The following RNF144A variants were observed in gnomAD, a reference collection of about 807,000 sequenced individuals.
The protein encoded by RNF144A is E3 ubiquitin-protein ligase RNF144A.
In RNF144A, 11 loss-of-function variants were observed where a neutral mutation model predicts 38.7. The ratio of observed to expected loss-of-function variants is 0.28; its 90% CI spans 0.18 to 0.47. The LOEUF (loss-of-function observed/expected upper bound fraction) is 0.47. Ranked by LOEUF, RNF144A falls within the 20% of genes least tolerant of loss-of-function variation. The pLI is 0.99. For synonymous variants in RNF144A, 149 were observed against 143.9 expected (o/e 1.04, Z -0.25); for missense variants, 316 against 377.2 (o/e 0.84, Z 1.34).
At chr2:7,062,754 C>G (rs976340723) in intron 6 of RNF144A, 1 of 152,184 alleles carries the variant, frequency 6.6e-6, no homozygotes, top group African/African-American at 2.4e-5. Flanking sequence ...AGCAGAGTCT[C>G]TCCCCTGCCC....
At chr2:7,009,490 A>G (rs1329855251) in intron 3 of RNF144A, among the ~76,000 whole-genome samples, 2 of 150,596 alleles carry the variant, frequency 1.3e-5, no homozygotes, top group African/African-American at 2.4e-5. Context: ...AAGAACTCAT[A>G]TAGATGGGAG....
intron 1 of RNF144A, among the ~76,000 whole-genome samples, chr2:6,925,840 G>A (rs1664822835): frequency 6.6e-6 from 1 of 151,884 alleles, no homozygotes; most frequent in Admixed American, 6.6e-5. Context: ...ATATCCTTTG[G>A]GGGAGACATG....
intron 5 of RNF144A, among the ~76,000 whole-genome samples, chr2:7,020,123 C>G (rs938064771): frequency 6.6e-6 from 1 of 152,154 alleles, no homozygotes; most frequent in Non-Finnish European, 1.5e-5. Context: ...ACCCGACAGG[C>G]AGGTGGGCCA....
intron 3 of RNF144A, among the ~76,000 whole-genome samples, chr2:6,998,620 G>T (rs1242042552): frequency 6.6e-6 from 1 of 152,198 alleles, no homozygotes; most frequent in Non-Finnish European, 1.5e-5. Context: ...TCCAAGAAAT[G>T]TGCCTCATTA....
intron 2 of RNF144A, among the ~76,000 whole-genome samples, chr2:6,959,536 T>A (rs1168786584): frequency 1.3e-5 from 2 of 152,094 alleles, no homozygotes; most frequent in Admixed American, 1.3e-4. Context: ...GGCTGGGAAG[T>A]CCGGGATCAG....
intron 3 of RNF144A, among the ~76,000 whole-genome samples, chr2:7,010,823 T>C (rs549054132): frequency 6.6e-6 from 1 of 152,126 alleles, no homozygotes; most frequent in Non-Finnish European, 1.5e-5. Flanking sequence ...TCTACCCCTG[T>C]AGTGGCCCAT....
At chr2:6,956,131 A>C (rs1572262599) in intron 2 of RNF144A, among the ~76,000 whole-genome samples, 2 of 152,186 alleles carry the variant, frequency 1.3e-5, no homozygotes, top group East Asian at 3.9e-4. Context: ...TGGGGGTTCT[A>C]AAATAGCCCA....
intron 2 of RNF144A, among the ~76,000 whole-genome samples, chr2:6,952,375 CT>C (rs1666741319): frequency 7.5e-6 from 1 of 134,140 alleles, no homozygotes; most frequent in Admixed American, 8.0e-5. Flanking sequence ...CTGCTTTTGT[CT>C]GATTGAAGAG....
chr2:6,923,678 A>G (rs1348384518), intron 1 of RNF144A, among the ~76,000 whole-genome samples: 2 of 152,212 alleles, frequency 1.3e-5, no homozygotes, highest in Non-Finnish European at 2.9e-5. Flanking sequence ...CACGGAGCAG[A>G]ACTGGGACGG....
intron 8 of RNF144A, among the ~76,000 whole-genome samples, chr2:7,032,603 C>G (rs1189826618): frequency 6.6e-6 from 1 of 152,264 alleles, no homozygotes; most frequent in African/African-American, 2.4e-5. Flanking sequence ...CGATGCGTCA[C>G]TGCAATCCTC....
chr2:7,008,398 G>A (rs1036798993), intron 3 of RNF144A, among the ~76,000 whole-genome samples: 15 of 152,250 alleles, frequency 9.9e-5, no homozygotes, highest in Non-Finnish European at 2.2e-4. Flanking sequence ...CTTCCCTGAA[G>A]CTCTGCTGAC....
intron 2 of RNF144A, among the ~76,000 whole-genome samples, chr2:6,967,363 G>A (rs750338347): frequency 3.3e-5 from 5 of 152,202 alleles, no homozygotes; most frequent in African/African-American, 4.8e-5. Context: ...CTTCCCTTGG[G>A]GCGTGTGAGC....
intron 2 of RNF144A, among the ~76,000 whole-genome samples, chr2:6,945,728 T>TC (rs1666295915): frequency 6.6e-6 from 1 of 152,000 alleles, no homozygotes; most frequent in South Asian, 2.1e-4. Context: ...TTTTTTTTTT[T>TC]TGGGTAATGT....
intron 6 of RNF144A, among the ~76,000 whole-genome samples, chr2:7,064,415 C>T (rs1170423049): frequency 1.3e-5 from 2 of 152,104 alleles, no homozygotes; most frequent in African/African-American, 2.4e-5. Context: ...TAATAAGGAA[C>T]CAAGAATAAG....
chr2:7,047,895 G>A (rs1302470655), downstream of RNF144A, among the ~76,000 whole-genome samples: 1 of 152,196 alleles, frequency 6.6e-6, no homozygotes, highest in Non-Finnish European at 1.5e-5. Flanking sequence ...CCAAGGATAA[G>A]TGGCTGGTGA....
intron 6 of RNF144A, 83 bp from the exon 7 acceptor site, chr2:7,024,286 G>A (rs1044145540): frequency 3.2e-6 from 4 of 1,234,422 alleles, no homozygotes; most frequent in Non-Finnish European, 4.4e-6. Flanking sequence ...GTGAAGTGGA[G>A]CCGATGCTTC....
intron 1 of RNF144A, among the ~76,000 whole-genome samples, chr2:6,938,995 A>AG (rs1332005735): frequency 6.6e-6 from 1 of 151,924 alleles, no homozygotes; most frequent in African/African-American, 2.4e-5. Context: ...TGATGGACAT[A>AG]TGGGTCGTTT....
downstream of RNF144A, among the ~76,000 whole-genome samples, chr2:7,071,044 C>T (rs1341238364): frequency 5.3e-5 from 8 of 151,094 alleles, no homozygotes; most frequent in African/African-American, 7.3e-5. Flanking sequence ...AAGCGATTCT[C>T]CTGCCTCAGC....
intron 2 of RNF144A, among the ~76,000 whole-genome samples, chr2:6,964,791 A>G (rs1005021952): frequency 1.8e-4 from 27 of 147,568 alleles, no homozygotes; most frequent in African/African-American, 6.7e-4. Context: ...GGACACAGGA[A>G]GGGGAACATC....
Sources: allele counts gnomAD v4.1 joint callset (sites outside exome capture counted in the v4.1 genomes callset), GRCh38; gene constraint gnomAD v4.1.1; transcripts MANE v1.5; gene names NCBI Gene and HGNC (gene_info 2026-07-23, HGNC 2026-07-21).